Variants in MRPS25 observed in about 807,000 individuals in gnomAD.
MRPS25 encodes the protein small ribosomal subunit protein mS25.
In MRPS25, 15 loss-of-function variants were observed where a neutral mutation model predicts 17.3. That is an observed-to-expected ratio of 0.87 (90% CI 0.58 to 1.34). MRPS25 has a LOEUF of 1.34. Among genes scored for constraint, MRPS25 ranks in the 40% most tolerant of loss-of-function variants. The pLI, the probability that MRPS25 is intolerant of heterozygous loss-of-function variation, is 0.00. For missense variants in MRPS25, 225 were observed against 218.6 expected (o/e 1.03, Z -0.19); for synonymous variants, 94 against 83.3 (o/e 1.13, Z -0.70).
intron 1 of MRPS25, among the ~76,000 whole-genome samples, chr3:15,062,139 C>G (rs758037025): frequency 0.97 from 12,678 of 13,046 alleles, 6,310 homozygotes; most frequent in Middle Eastern, 1. Context: ...GGGAGTGCGG[C>G]GGGTCAGCCC....
At chr3:15,061,236 C>T (rs1394893391) in intron 1 of MRPS25, among the ~76,000 whole-genome samples, 2 of 152,098 alleles carry the variant, frequency 1.3e-5, no homozygotes, top group South Asian at 2.1e-4. Context: ...TCTCCCTCTC[C>T]CTCTTTCCAC....
In MRPS25 at chr3:15,051,937, G is replaced by C. The variant is rs1312364785; in HGVS notation, c.*504C>G. The C allele has an allele frequency of 1.0e-6, 1 of 985,750 alleles. No homozygotes were observed. Among genetic ancestry groups the C allele is most frequent in the African/African-American group, 1.7e-5 (1 of 57,256 alleles). 61.1% of individuals were successfully genotyped at this position (985,750 alleles called of 1,614,324 possible). The stretch of plus-strand genomic sequence containing the variant: ...TTAAAAAAGTGAGCACTGCACGAAG[G>C]GTTGCCTTTGGATTTCTGAAAAATA... On this transcript the variant is annotated 3_prime_UTR_variant, in exon 4 of 4. Coordinates refer to ENST00000253686, the MANE Select transcript of MRPS25 (RefSeq NM_022497.5).
chr3:15,042,528 A>G (rs142573180), downstream of MRPS25: 745 of 253,710 alleles, frequency 2.9e-3, 1 homozygote, highest in African/African-American at 0.016. Context: ...TCATATGAAG[A>G]CTCCTACTTT....
chr3:15,049,726 A>C lies in MRPS25; in HGVS notation c.*2715T>G. The stretch of plus-strand genomic sequence containing the variant: ...ATCTGACCTCTCATGTTCCAGGTGA[A>C]AATTCTGAGGTCCAAAGTCTGATGC... On this transcript the variant is annotated 3_prime_UTR_variant, in exon 4 of 4. Transcript: ENST00000253686. The C allele has an allele frequency of 1.7e-6, 1 of 584,664 alleles. No homozygotes were observed. The highest frequency in any genetic ancestry group is 3.0e-6 in the Non-Finnish European group (1 of 337,206). 36.2% of individuals were successfully genotyped at this position (584,664 alleles called of 1,614,324 possible).
intron 1 of MRPS25, among the ~76,000 whole-genome samples, chr3:15,063,035 G>T (rs967397936): frequency 7.1e-6 from 1 of 141,710 alleles, no homozygotes; most frequent in Non-Finnish European, 1.5e-5. Context: ...AAACACCCAA[G>T]AATGATCAAT....
chr3:15,065,264 A>G lies in MRPS25; in HGVS notation c.-70T>C, dbSNP rs559161066. 8.5e-5 allele frequency: 125 copies of G among 1,468,038 alleles called. No homozygotes were observed. In the African/African-American group the frequency reaches 1.5e-3, roughly 17 times the overall value. The allele number at this position is 1,468,038 out of a possible 1,614,324, so 90.9% of individuals were successfully genotyped here. A position where few individuals can be genotyped will look rare whatever the true frequency, so the allele number is the denominator to read the frequency against. On this transcript the variant is annotated 5_prime_UTR_variant, in exon 1 of 4. Coordinates refer to ENST00000253686, the MANE Select transcript of MRPS25 (RefSeq NM_022497.5). ...CAGCGACGAGAAAGGACTAGCTAGC[A>G]CCCGCGCGGATCTCACGCGGCTTCT...
At chr3:15,053,100 G>A (rs1355361365) in intron 3 of MRPS25, among the ~76,000 whole-genome samples, 1 of 152,190 alleles carries the variant, frequency 6.6e-6, no homozygotes, top group Non-Finnish European at 1.5e-5. Flanking sequence ...CAGCTGCACA[G>A]GGCCACAAGT....
downstream of MRPS25, chr3:15,043,154 C>A: frequency 1.6e-6 from 1 of 620,522 alleles, no homozygotes; most frequent in Non-Finnish European, 2.5e-6. Context: ...TAATCCCAGA[C>A]AATAGCAATT....
At chr3:15,058,077 T>C (rs2042697021) in intron 2 of MRPS25, among the ~76,000 whole-genome samples, 1 of 152,202 alleles carries the variant, frequency 6.6e-6, no homozygotes, top group Non-Finnish European at 1.5e-5. Context: ...GGTTTTATCA[T>C]GTTGCCCATG....
At chr3:15,057,369 C>T (rs1274027775) in intron 2 of MRPS25, among the ~76,000 whole-genome samples, 6 of 152,176 alleles carry the variant, frequency 3.9e-5, no homozygotes, top group Non-Finnish European at 8.8e-5. Context: ...CTAACTCTCT[C>T]GGCATCTTAC....
In MRPS25 at chr3:15,050,707, C is replaced by A; in HGVS notation, c.*1734G>T. On this transcript the variant is annotated 3_prime_UTR_variant, in exon 4 of 4. Transcript: ENST00000253686. ...GATGCTAGATTTCAATTAAACACTC[C>A]CTTTGTAAGTCTGTCACTCAAGGAA... is the stretch of plus-strand genomic sequence containing the variant. 1.0e-6 allele frequency: 1 copy of A among 985,376 alleles called. No homozygotes were observed. Among genetic ancestry groups the A allele is most frequent in the South Asian group, 4.7e-5 (1 of 21,286 alleles). The allele number at this position is 985,376 out of a possible 1,614,324, so 61.0% of individuals were successfully genotyped here.
chr3:15,058,490 T>C (rs1284214334), intron 2 of MRPS25, among the ~76,000 whole-genome samples: 1 of 152,186 alleles, frequency 6.6e-6, no homozygotes, highest in African/African-American at 2.4e-5. Flanking sequence ...TGCTTGGCCC[T>C]AATCTTTTGT....
chr3:15,063,950 T>A (rs1027787784), intron 1 of MRPS25, among the ~76,000 whole-genome samples: 1 of 152,096 alleles, frequency 6.6e-6, no homozygotes, highest in African/African-American at 2.4e-5. Flanking sequence ...AGACCAAGTC[T>A]TCCAGGAAGC....
At chr3:15,062,121 A>G (rs1239658017) in intron 1 of MRPS25, among the ~76,000 whole-genome samples, 41 of 120,932 alleles carry the variant, frequency 3.4e-4, no homozygotes, top group Admixed American at 4.7e-4. Flanking sequence ...CAGCCGCCCC[A>G]TCCGGGAGGG....
rs1314972635 is a variant in MRPS25, at chr3:15,065,287, T to C, written c.-93A>G. On this transcript the variant is annotated 5_prime_UTR_variant, in exon 1 of 4. Transcript: ENST00000253686. ...GCACCCGCGCGGATCTCACGCGGCT[T>C]CTCCCCAGAGCCAGGTTCCACTTCC... 7.0e-7 allele frequency: 1 copy of C among 1,434,922 alleles called. No individual in the cohort carries two copies. The highest frequency in any genetic ancestry group is 1.4e-5 in the South Asian group (1 of 69,846). 88.9% of individuals were successfully genotyped at this position (1,434,922 alleles called of 1,614,324 possible). A position where few individuals can be genotyped will look rare whatever the true frequency, so the allele number is the denominator to read the frequency against.
chr3:15,052,746 C>T, intron 3 of MRPS25, 113 bp from the exon 4 acceptor site: 1 of 1,087,052 alleles, frequency 9.2e-7, no homozygotes, highest in Non-Finnish European at 1.4e-6. Flanking sequence ...GGATCTCCTG[C>T]CTTCTAACCT....
At chr3:15,054,529 G>A (rs772297964) in intron 2 of MRPS25, among the ~76,000 whole-genome samples, 15 of 152,072 alleles carry the variant, frequency 9.9e-5, no homozygotes, top group Non-Finnish European at 2.1e-4. Flanking sequence ...GCAACAGAGC[G>A]AGACTCAACC....
downstream of MRPS25, chr3:15,047,548 TCA>T (rs1287758458): frequency 1.3e-5 from 2 of 152,242 alleles, no homozygotes; most frequent in East Asian, 3.8e-4. Flanking sequence ...GAGACAGGCG[TCA>T]CGGTCAGAGA....
chr3:15,056,851 C>T (rs1306139119), intron 2 of MRPS25, among the ~76,000 whole-genome samples: 3 of 152,336 alleles, frequency 2.0e-5, no homozygotes, highest in Admixed American at 6.5e-5. Context: ...AGCGAGGACG[C>T]GCAGCTGCTG....
Sources: allele counts gnomAD v4.1 joint callset (sites outside exome capture counted in the v4.1 genomes callset), GRCh38; gene constraint gnomAD v4.1.1; transcripts MANE v1.5; gene names NCBI Gene and HGNC (gene_info 2026-07-23, HGNC 2026-07-21).